CFAP43: variants seen among roughly 807,000 people sequenced by gnomAD.
The protein encoded by CFAP43 is cilia- and flagella-associated protein 43.
CFAP43 carries 155 observed loss-of-function variants against 218.9 expected under a neutral mutation model. That is an observed-to-expected ratio of 0.71 (90% CI 0.62 to 0.81). The LOEUF is 0.81. CFAP43 is among the 30% of genes least tolerant of loss of function. The probability of loss-of-function intolerance (pLI) is 0.00; values close to 1 mark genes in which losing one functional copy is unlikely to be tolerated. For synonymous variants in CFAP43, 645 were observed against 681.3 expected (o/e 0.95, Z 0.83); for missense variants, 1,778 against 1,954.3 (o/e 0.91, Z 1.70).
chr10:104,156,109 G>A (rs982780809), intron 27 of CFAP43, among the ~76,000 whole-genome samples: 2 of 152,086 alleles, frequency 1.3e-5, no homozygotes, highest in Admixed American at 1.3e-4. Flanking sequence ...CTCGAAAGAG[G>A]AAAGTGCCCT....
At chr10:104,214,608 G>C (rs977377620) in intron 3 of CFAP43, among the ~76,000 whole-genome samples, 182 bp from the exon 4 acceptor site, 4 of 151,960 alleles carry the variant, frequency 2.6e-5, no homozygotes, top group Non-Finnish European at 5.9e-5. Context: ...TCCTAAGAAA[G>C]CAAAAAAACT....
intron 13 of CFAP43, among the ~76,000 whole-genome samples, chr10:104,187,921 T>C (rs1010794686): frequency 2.6e-5 from 4 of 152,244 alleles, no homozygotes; most frequent in African/African-American, 9.6e-5. Context: ...GAAAACTGTC[T>C]TTATAATTTT....
chr10:104,151,393 C>T (rs952656021), intron 28 of CFAP43, among the ~76,000 whole-genome samples: 3 of 152,176 alleles, frequency 2.0e-5, no homozygotes, highest in Non-Finnish European at 4.4e-5. Context: ...TCTCCACAGC[C>T]TCACCAGTAT....
intron 11 of CFAP43, 142 bp downstream of exon 11, chr10:104,193,724 G>T: frequency 8.6e-7 from 1 of 1,165,056 alleles, no homozygotes; most frequent in Non-Finnish European, 1.2e-6. Context: ...TGTACCTTTT[G>T]AGTGTTGAAC....
At chr10:104,182,541 G>A (rs762882931) in intron 16 of CFAP43, 28 bp from the exon 17 acceptor site, 16 of 1,545,612 alleles carry the variant, frequency 1.0e-5, no homozygotes, top group Non-Finnish European at 1.4e-5. Flanking sequence ...AAAACACAGA[G>A]GCTATAAAAA....
intron 3 of CFAP43, among the ~76,000 whole-genome samples, chr10:104,220,358 C>A (rs2091143488): frequency 6.6e-6 from 1 of 152,132 alleles, no homozygotes; most frequent in African/African-American, 2.4e-5. Flanking sequence ...GCAGGCCTAG[C>A]TAATTAATAG....
intron 3 of CFAP43, among the ~76,000 whole-genome samples, chr10:104,224,863 C>G (rs2091270796): frequency 1.3e-5 from 2 of 151,062 alleles, no homozygotes; most frequent in African/African-American, 4.9e-5. Flanking sequence ...TTAATCATTT[C>G]TGGAATATTT....
At chr10:104,219,466 TGAAAG>T (rs1286528837) in intron 3 of CFAP43, among the ~76,000 whole-genome samples, 1 of 152,216 alleles carries the variant, frequency 6.6e-6, no homozygotes, top group African/African-American at 2.4e-5. Flanking sequence ...AATAATTGGC[TGAAAG>T]GAATCTTCTT....
chr10:104,131,535 A>G (rs2087193781), intron 36 of CFAP43, 51 bp from the exon 37 acceptor site: 1 of 1,547,914 alleles, frequency 6.5e-7, no homozygotes, highest in Non-Finnish European at 8.7e-7. Context: ...TGAAAAATGT[A>G]ATTTATCCTA....
intron 9 of CFAP43, among the ~76,000 whole-genome samples, chr10:104,197,376 C>T (rs1317376775): frequency 6.6e-6 from 1 of 152,156 alleles, no homozygotes; most frequent in Non-Finnish European, 1.5e-5. Flanking sequence ...ACACCTACTA[C>T]CCTACTATTA....
rs1348857045 is a variant in CFAP43 at position 104,188,137 on chromosome 10, C to T, written c.1687+133G>A. ...CAAACTGTTTAGCATGTTGGTTTTACTTTGTAAAGATAGACAAAAGGTGGC... is the reference window on the plus strand; with the variant it reads ...CAAACTGTTTAGCATGTTGGTTTTATTTTGTAAAGATAGACAAAAGGTGGC... On this transcript the variant is annotated intron_variant, in intron 13 of 37. Coordinates refer to ENST00000357060, the MANE Select transcript of CFAP43 (RefSeq NM_025145.7). 4 of 1,175,124 alleles carry T rather than the reference C, an allele frequency of 3.4e-6. No homozygotes were observed. The African/African-American group carries it at 6.2e-5, about 18-fold the overall frequency. The allele number at this position is 1,175,124 out of a possible 1,614,324, so 72.8% of individuals were successfully genotyped here.
chr10:104,205,212 C>CAAAAAAA (rs71022723), intron 7 of CFAP43, among the ~76,000 whole-genome samples: 15 of 56,494 alleles, frequency 2.7e-4, no homozygotes, highest in Non-Finnish European at 4.4e-4. Flanking sequence ...GACTCCGTCT[C>CAAAAAAA]AAAAAAAAAA....
At chr10:104,188,189 AAAAAC>A (rs1564774905) in intron 13 of CFAP43, 76 bp downstream of exon 13, 4 of 1,545,452 alleles carry the variant, frequency 2.6e-6, no homozygotes, top group Non-Finnish European at 3.5e-6. Context: ...ATGCCAAGAT[AAAAAC>A]AAAACAAACC....
chr10:104,180,016 G>T, intron 17 of CFAP43, 84 bp from the exon 18 acceptor site: 1 of 987,934 alleles, frequency 1.0e-6, no homozygotes. Context: ...ACATGTAACT[G>T]CTTTGAATTC....
At chr10:104,214,148 T>C (rs1344738996) in intron 4 of CFAP43, 111 bp downstream of exon 4, 1 of 988,604 alleles carries the variant, frequency 1.0e-6, no homozygotes, top group African/African-American at 1.7e-5. Context: ...TGTGTGTGTA[T>C]GCATATATAT....
At chr10:104,191,013 CAT>C (rs527574003) in intron 12 of CFAP43, among the ~76,000 whole-genome samples, 145 of 152,372 alleles carry the variant, frequency 9.5e-4, no homozygotes, top group African/African-American at 3.4e-3. Context: ...CTGGCTACCA[CAT>C]AGTCAGGCAT....
chr10:104,153,424 A>G (rs1032143879), intron 27 of CFAP43, among the ~76,000 whole-genome samples: 5 of 152,218 alleles, frequency 3.3e-5, no homozygotes, highest in African/African-American at 4.8e-5. Context: ...TATTGTTTAT[A>G]ACCCAAAGGA....
intron 5 of CFAP43, among the ~76,000 whole-genome samples, chr10:104,208,182 A>G (rs1018168991): frequency 3.9e-5 from 6 of 152,220 alleles, no homozygotes; most frequent in Non-Finnish European, 7.3e-5. Context: ...CTCATAAGGA[A>G]GAGAGTTATT....
intron 3 of CFAP43, among the ~76,000 whole-genome samples, chr10:104,218,347 CAAAAAAAAAA>C (rs68078522): frequency 0.084 from 8,295 of 98,814 alleles, 300 homozygotes; most frequent in South Asian, 0.21. Context: ...GACTGTGTCT[CAAAAAAAAAA>C]AAAAAAAAAA....
Sources: gnomAD v4.1 joint callset for allele counts (sites outside exome capture counted in the v4.1 genomes callset) on GRCh38, gnomAD v4.1.1 for gene constraint, MANE v1.5 for transcripts, NCBI Gene and HGNC (gene_info 2026-07-23, HGNC 2026-07-21) for gene names.